Variants in CEACAM7 observed in about 807,000 individuals in gnomAD.
The protein encoded by CEACAM7 is CEA cell adhesion molecule 7, also known as cell adhesion molecule CEACAM7.
In CEACAM7, 24 loss-of-function variants were observed where a neutral mutation model predicts 25.7. That is an observed-to-expected ratio of 0.93 (90% CI 0.68 to 1.31). The LOEUF is 1.31. Ranked by LOEUF, CEACAM7 falls within the 40% of genes most tolerant of loss-of-function variation. CEACAM7 has a pLI of 0.00. For missense variants in CEACAM7, 324 were observed against 330.1 expected (o/e 0.98, Z 0.14); for synonymous variants, 144 against 129.4 (o/e 1.11, Z -0.77).
chr19:41,688,046 C>G, intron 1 of CEACAM7, 56 bp downstream of exon 1: 1 of 1,532,848 alleles, frequency 6.5e-7, no homozygotes, highest in South Asian at 1.2e-5. Context: ...CCAAGGAGAC[C>G]CCAGCCAGTC....
chr19:41,683,443 C>T (rs1362368293), intron 3 of CEACAM7, among the ~76,000 whole-genome samples: 1 of 152,224 alleles, frequency 6.6e-6, no homozygotes, highest in Non-Finnish European at 1.5e-5. Context: ...GAAGCGGAAG[C>T]TCCTGGTCTG....
intron 2 of CEACAM7, among the ~76,000 whole-genome samples, chr19:41,684,504 G>C (rs1056144485): frequency 6.6e-6 from 1 of 152,182 alleles, no homozygotes; most frequent in Non-Finnish European, 1.5e-5. Context: ...CCCAGAGATG[G>C]GTGATGATAA....
At chr19:41,684,203 A>G in intron 2 of CEACAM7, 140 bp from the exon 3 acceptor site, 1 of 839,986 alleles carries the variant, frequency 1.2e-6, no homozygotes, top group Non-Finnish European at 1.9e-6. Flanking sequence ...GTGTATCACA[A>G]GACAGATGCA....
intron 2 of CEACAM7, 88 bp from the exon 3 acceptor site, chr19:41,684,151 C>A: frequency 1.4e-6 from 2 of 1,414,286 alleles, no homozygotes; most frequent in Non-Finnish European, 1.9e-6. Flanking sequence ...GCATCTCCCA[C>A]CTCTAAGCCC....
intron 3 of CEACAM7, among the ~76,000 whole-genome samples, chr19:41,680,543 C>G (rs2072164340): frequency 6.6e-6 from 1 of 152,156 alleles, no homozygotes; most frequent in Non-Finnish European, 1.5e-5. Flanking sequence ...CAGTGTGGTA[C>G]TGGCATAAAG....
chr19:41,684,189 G>T, intron 2 of CEACAM7, 126 bp from the exon 3 acceptor site: 1 of 985,346 alleles, frequency 1.0e-6, no homozygotes, highest in Non-Finnish European at 1.5e-6. Context: ...CCCACAGAAG[G>T]TGTGTGTATC....
rs1416680843 is a variant in CEACAM7, at chr19:41,674,139, G to T, written c.*637C>A. The stretch of plus-strand genomic sequence containing the variant: ...CTCCTCCCTGTTCAGCTAGTAGGCA[G>T]CAATTCTGTTATCTGGCATCCCATA... On this transcript the variant is annotated 3_prime_UTR_variant, in exon 5 of 5. Transcript: ENST00000401731. The T allele has an allele frequency of 6.6e-6, 1 of 152,252 alleles. No individual in the cohort carries two copies. The highest frequency in any genetic ancestry group is 1.5e-5 in the Non-Finnish European group (1 of 68,066). The allele number at this position is 152,252 out of a possible 1,614,324, so 9.4% of individuals were successfully genotyped here.
Position 41,679,798 on chromosome 19 carries a change from TCTC to T in CEACAM7, c.707-2298_707-2296del, listed in dbSNP as rs797024865. On this transcript the variant is annotated intron_variant, in intron 3 of 4. Transcript: ENST00000401731. Reference sequence around the variant, plus strand: ...TTTTCTCTGTCTCTTTCTCTCTCTCTCTCTTTTTTTTTTTTTTTTTTGAGACAG... The same window carrying T: ...TTTTCTCTGTCTCTTTCTCTCTCTCTTTTTTTTTTTTTTTTTTTGAGACAG... 4.4e-3 allele frequency among the ~76,000 whole-genome samples: 436 copies of T among 98,514 alleles called. 2 individuals carry two copies. Among genetic ancestry groups the T allele is most frequent in the African/African-American group, 0.014 (424 of 30,576 alleles). The allele number at this position is 98,514 out of a possible 152,430, so 64.6% of individuals were successfully genotyped here.
At chr19:41,684,111 T>C in intron 2 of CEACAM7, 48 bp from the exon 3 acceptor site, 1 of 1,589,728 alleles carries the variant, frequency 6.3e-7, no homozygotes, top group East Asian at 2.2e-5. Context: ...GCCCCTTGGT[T>C]CCCCCACGGA....
At chr19:41,683,690 G>T in intron 3 of CEACAM7, 95 bp downstream of exon 3, 1 of 1,530,766 alleles carries the variant, frequency 6.5e-7, no homozygotes, top group Non-Finnish European at 8.9e-7. Flanking sequence ...GTGAGGGTCT[G>T]TGTACTTGGA....
intron 3 of CEACAM7, among the ~76,000 whole-genome samples, chr19:41,678,880 A>T (rs1274241524): frequency 6.6e-6 from 1 of 152,268 alleles, no homozygotes; most frequent in African/African-American, 2.4e-5. Flanking sequence ...CAGAGAAGTT[A>T]AGAATCTTGT....
rs552302890 is a variant in CEACAM7, at chr19:41,676,024, A to G, written c.*37-1285T>C. Among the ~76,000 whole-genome samples the G allele has an allele frequency of 2.1e-4, 32 of 152,362 alleles. No individual in the cohort carries two copies. In the South Asian group the frequency reaches 5.8e-3, roughly 28 times the overall value. ...TTCAGGGCATAGTACATTAACAAAT[A>G]TGGCCAACAATGTATAAGCTTATGT... is the stretch of plus-strand genomic sequence containing the variant. On this transcript the variant is annotated intron_variant, in intron 4 of 4. Transcript: ENST00000401731.
chr19:41,684,699 G>C (rs12459934), intron 2 of CEACAM7, among the ~76,000 whole-genome samples: 18,483 of 152,150 alleles, frequency 0.12, 1,639 homozygotes, highest in Non-Finnish European at 0.18. Context: ...AAGGGTGAGT[G>C]AGACAAGCAG....
chr19:41,683,434 A>C (rs1339959312), intron 3 of CEACAM7, among the ~76,000 whole-genome samples: 2 of 152,192 alleles, frequency 1.3e-5, no homozygotes, highest in African/African-American at 2.4e-5. Flanking sequence ...CCTCAGAGGG[A>C]AGCGGAAGCT....
At chr19:41,681,955 C>T (rs2072179857) in intron 3 of CEACAM7, among the ~76,000 whole-genome samples, 1 of 152,060 alleles carries the variant, frequency 6.6e-6, no homozygotes, top group African/African-American at 2.4e-5. Flanking sequence ...CTAAACCATA[C>T]TTTTTTTGGA....
chr19:41,682,887 C>T (rs1300627205), intron 3 of CEACAM7, among the ~76,000 whole-genome samples: 2 of 152,242 alleles, frequency 1.3e-5, no homozygotes, highest in Non-Finnish European at 2.9e-5. Context: ...AAGCTCTTTC[C>T]ACTACCTGGG....
intron 2 of CEACAM7, 114 bp from the exon 3 acceptor site, chr19:41,684,177 A>C (rs2072205072): frequency 9.1e-7 from 1 of 1,096,432 alleles, no homozygotes; most frequent in African/African-American, 1.6e-5. Context: ...AGTCCTTAAA[A>C]GCCCACAGAA....
At position 41,684,444 on chromosome 19, in the gene CEACAM7, C is replaced by T. The variant is rs554915695; in HGVS notation, c.428-381G>A. Among the ~76,000 whole-genome samples the T allele has an allele frequency of 8.7e-4, 133 of 152,318 alleles. 1 individual carries two copies. The highest frequency in any genetic ancestry group is 2.7e-3 in the Admixed American group (41 of 15,300). ...AGTTCCTTCCAGCTGAACACTCCTA[C>T]ACCACCCAGCCAAGGGGTGTTTCTC... On this transcript the variant is annotated intron_variant, in intron 2 of 4. Transcript: ENST00000401731.
At chr19:41,680,076 T>TC (rs2072159543) in intron 3 of CEACAM7, among the ~76,000 whole-genome samples, 2 of 142,178 alleles carry the variant, frequency 1.4e-5, no homozygotes, top group Non-Finnish European at 1.5e-5. Context: ...CACCTCAGCC[T>TC]CCCAAAGTGC....
Sources: allele counts gnomAD v4.1 joint callset (sites outside exome capture counted in the v4.1 genomes callset), GRCh38; gene constraint gnomAD v4.1.1; transcripts MANE v1.5; gene names NCBI Gene and HGNC (gene_info 2026-07-23, HGNC 2026-07-21).